Variants in EXOC3 observed in about 807,000 individuals in gnomAD.
EXOC3 encodes SEC6-like 1.
In EXOC3, 21 loss-of-function variants were observed where a neutral mutation model predicts 73.7. That is an observed-to-expected ratio of 0.29 (90% CI 0.20 to 0.41). The LOEUF (loss-of-function observed/expected upper bound fraction) is 0.41. EXOC3 is among the 10% of genes least tolerant of loss of function. The pLI is 1.00. For missense variants in EXOC3, 842 were observed against 985.1 expected (o/e 0.85, Z 1.95); for synonymous variants, 410 against 389.1 (o/e 1.05, Z -0.63).
rs1434023077 is a variant in EXOC3, at chr5:467,228, C to T, written c.*330C>T. ...CTCCTCCCTGGGCCTTCACCGCACC[C>T]CATCTGCTTAAGTGCTCGGAACCCC... On this transcript the variant is annotated 3_prime_UTR_variant, in exon 13 of 13. Transcript: ENST00000512944. 6 of 302,056 alleles carry T rather than the reference C, an allele frequency of 2.0e-5. No homozygotes were observed. Among genetic ancestry groups the T allele is most frequent in the Non-Finnish European group, 1.2e-5 (2 of 163,364 alleles). The allele number at this position is 302,056 out of a possible 1,614,324, so 18.7% of individuals were successfully genotyped here.
chr5:458,245 G>A lies in EXOC3; in HGVS notation c.1290+220G>A, dbSNP rs576718044. ...ATACTTACCAAATAGTTTTGCCCAA[G>A]GTCACTTTACTTTTCTGACCTGGTC... On this transcript the variant is annotated intron_variant, in intron 6 of 12. Coordinates refer to ENST00000512944, the MANE Select transcript of EXOC3 (RefSeq NM_007277.5). 1.4e-4 allele frequency among the ~76,000 whole-genome samples: 22 copies of A among 152,320 alleles called. 1 individual carries two copies. In the South Asian group the frequency reaches 4.6e-3, roughly 32 times the overall value.
intron 3 of EXOC3, 52 bp from the exon 4 acceptor site, chr5:453,318 G>C: frequency 7.1e-7 from 1 of 1,417,008 alleles, no homozygotes. Context: ...CATGCAGGCA[G>C]CCTTTTATGT....
intron 3 of EXOC3, among the ~76,000 whole-genome samples, chr5:451,301 C>T (rs1737653688): frequency 6.6e-6 from 1 of 152,186 alleles, no homozygotes; most frequent in South Asian, 2.1e-4. Flanking sequence ...TTCAATAACA[C>T]ACAAAAACCG....
chr5:463,253 A>G (rs959354405), intron 9 of EXOC3, among the ~76,000 whole-genome samples: 3 of 152,224 alleles, frequency 2.0e-5, no homozygotes, highest in African/African-American at 7.2e-5. Flanking sequence ...AGTGTCCCCA[A>G]AGAGGCAGAC....
chr5:461,274 A>AT (rs1213290005), intron 7 of EXOC3, among the ~76,000 whole-genome samples: 2 of 151,978 alleles, frequency 1.3e-5, no homozygotes, highest in African/African-American at 4.8e-5. Context: ...TTCAGTTATT[A>AT]TTTTTTACCA....
Position 453,920 on chromosome 5 carries a change from T to C in EXOC3, c.915T>C (p.Tyr305=), listed in dbSNP as rs766240612. The change falls in exon 4 of 13, where the codon TAT becomes TAC. Residue 305 remains tyrosine, a synonymous_variant. Transcript: ENST00000512944. ...TGGTTCAGTGCTTTCCTCCCCACTA[T>C]GAGATCTTTAAGAACCTCCTGAACA... ...NLMVQCFPPH[Y]EIFKNLLNMY... is the part of the protein sequence containing the mutation. The C allele has an allele frequency of 1.9e-6, 3 of 1,613,982 alleles. No individual in the cohort carries two copies. The highest frequency in any genetic ancestry group is 3.3e-5 in the Admixed American group (2 of 60,026).
In EXOC3 at chr5:455,628, G is replaced by GT. The variant is rs1275334064; in HGVS notation, c.1047-1260dup. 9.9e-5 allele frequency among the ~76,000 whole-genome samples: 15 copies of GT among 152,202 alleles called. No individual in the cohort carries two copies. In the East Asian group the frequency reaches 2.9e-3, roughly 29 times the overall value. ...CGTGTGAGTTGAAAGAATTTTCTGAGTGGTCAAACCTTAGACTTAAAAAAA... is the reference window on the plus strand; with the variant it reads ...CGTGTGAGTTGAAAGAATTTTCTGAGTTGGTCAAACCTTAGACTTAAAAAAA... On this transcript the variant is annotated intron_variant, in intron 4 of 12. Coordinates refer to ENST00000512944, the MANE Select transcript of EXOC3 (RefSeq NM_007277.5).
chr5:464,003 T>TGC (rs1738060583), intron 9 of EXOC3, among the ~76,000 whole-genome samples: 1 of 152,250 alleles, frequency 6.6e-6, no homozygotes, highest in African/African-American at 2.4e-5. Context: ...TTTACCTGAG[T>TGC]GCGCATTGCT....
intron 3 of EXOC3, among the ~76,000 whole-genome samples, chr5:450,150 G>A (rs564112576): frequency 2.7e-4 from 41 of 152,302 alleles, no homozygotes; most frequent in African/African-American, 9.4e-4. Flanking sequence ...GGAGGCTGAG[G>A]CAGGAGAATC....
At chr5:464,438 C>T in intron 10 of EXOC3, 26 bp downstream of exon 10, 8 of 1,610,666 alleles carry the variant, frequency 5.0e-6, no homozygotes, top group Non-Finnish European at 5.9e-6. Flanking sequence ...CTAGTTCCCT[C>T]ATCACCTTGA....
chr5:443,707 C>T (rs1431020352), intron 1 of EXOC3, among the ~76,000 whole-genome samples: 23 of 149,010 alleles, frequency 1.5e-4, no homozygotes, highest in Non-Finnish European at 3.0e-5. Context: ...CAGGTGTCCC[C>T]TCGGCGCAGG....
At chr5:458,791 A>T (rs1410415450) in intron 6 of EXOC3, among the ~76,000 whole-genome samples, 2 of 152,240 alleles carry the variant, frequency 1.3e-5, no homozygotes, top group Non-Finnish European at 2.9e-5. Context: ...CTAGTTAGGC[A>T]GGAGTGAGGG....
At chr5:453,263 C>A in intron 3 of EXOC3, 107 bp from the exon 4 acceptor site, 1 of 753,740 alleles carries the variant, frequency 1.3e-6, no homozygotes, top group Non-Finnish European at 2.2e-6. Flanking sequence ...TTGTTGTTAG[C>A]TAGGGAGATG....
chr5:464,480 T>C, intron 10 of EXOC3, 68 bp downstream of exon 10: 1 of 1,554,272 alleles, frequency 6.4e-7, no homozygotes, highest in Non-Finnish European at 8.8e-7. Context: ...CTGCTCAGAA[T>C]TCAGCATCCA....
intron 11 of EXOC3, among the ~76,000 whole-genome samples, 179 bp from the exon 12 acceptor site, chr5:465,539 T>A (rs1738121226): frequency 6.6e-6 from 1 of 152,210 alleles, no homozygotes; most frequent in Non-Finnish European, 1.5e-5. Context: ...GCTGGCTGCC[T>A]CCCACGGTCT....
At position 447,690 on chromosome 5, in the gene EXOC3, A is replaced by G. The variant is rs1368337393; in HGVS notation, c.302A>G (p.Asp101Gly). 1 of 1,591,542 alleles carries G rather than the reference A, an allele frequency of 6.3e-7. No homozygotes were observed. The highest frequency in any genetic ancestry group is 8.6e-7 in the Non-Finnish European group (1 of 1,168,746). The change falls in exon 3 of 13, where the codon GAC (aspartate) becomes GGC (glycine). Residue 101 changes from aspartate to glycine, a missense_variant. Asp to Gly is a moderately conservative substitution (Grantham distance 94, BLOSUM62 -1). Transcript: ENST00000512944. ...ATTGAGAGCCTCAAGGACGTCAAAG[A>G]CGCCGTGGTGCAGCACAGCCAGCTC... is the stretch of plus-strand genomic sequence containing the variant. Reference protein sequence around the residue: ...NTIESLKDVKDAVVQHSQLAA... With the variant: ...NTIESLKDVKGAVVQHSQLAA...
intron 7 of EXOC3, chr5:461,669 A>C (rs1737990378): frequency 2.5e-6 from 1 of 394,734 alleles, no homozygotes; most frequent in South Asian, 3.0e-5. Flanking sequence ...AGCTCACTGC[A>C]GCGCAGCCAG....
chr5:464,229 T>G, intron 9 of EXOC3, 61 bp from the exon 10 acceptor site: 3 of 1,552,836 alleles, frequency 1.9e-6, no homozygotes, highest in Non-Finnish European at 1.8e-6. Context: ...CCCTCCCACA[T>G]GCACTCGGCT....
At chr5:461,624 A>G (rs1737988204) in intron 7 of EXOC3, 4 of 237,624 alleles carry the variant, frequency 1.7e-5, no homozygotes, top group Non-Finnish European at 3.3e-5. Flanking sequence ...AAAAAAAAAA[A>G]AGAGACAAGG....
Sources: allele counts gnomAD v4.1 joint callset (sites outside exome capture counted in the v4.1 genomes callset), GRCh38; gene constraint gnomAD v4.1.1; transcripts MANE v1.5; gene names NCBI Gene and HGNC (gene_info 2026-07-23, HGNC 2026-07-21).